Variants in STAB2 observed in about 807,000 individuals in gnomAD.
STAB2 encodes stabilin 2, also known as stabilin-2.
Under a neutral mutation model 338.1 loss-of-function variants are expected in STAB2, and 288 were observed. The observed-to-expected ratio is 0.85, with a 90% CI of 0.77 to 0.94. STAB2 has a LOEUF of 0.94. Among genes scored for constraint, STAB2 ranks in the 40% least tolerant of loss-of-function variants. The pLI is 0.00. For missense variants in STAB2, 3,141 were observed against 3,210.1 expected, an observed-to-expected ratio of 0.98 and a Z score of 0.52; for synonymous variants, 1,202 against 1,193.3, an observed-to-expected ratio of 1.01 and a Z score of -0.15.
intron 35 of STAB2, among the ~76,000 whole-genome samples, chr12:103,704,071 A>G (rs989575630): frequency 3.9e-5 from 6 of 152,212 alleles, no homozygotes; most frequent in Admixed American, 2.0e-4. Flanking sequence ...GTTCAGAACT[A>G]GACACATTGA....
chr12:103,692,830 G>A lies in STAB2; in HGVS notation c.3316G>A (p.Ala1106Thr). The part of the protein sequence containing the change: ...KVDGNITIEG[A>T]SIVDGDNAAT... Reference sequence around the variant, plus strand: ...TTTACAGAATATCACAATTGAAGGGGCCTCCATTGTCGATGGGGACAACGC... The same window carrying A: ...TTTACAGAATATCACAATTGAAGGGACCTCCATTGTCGATGGGGACAACGC... The change falls in exon 31 of 69, where the codon GCC becomes ACC. Residue 1106 changes from alanine (A) to threonine (T), a missense_variant. By Grantham distance (58) the Ala-to-Thr change is moderately conservative. Transcript: ENST00000388887. The A allele has an allele frequency of 5.6e-6, 9 of 1,613,536 alleles. No individual in the cohort carries two copies. The highest frequency in any genetic ancestry group is 1.3e-5 in the African/African-American group (1 of 75,002).
Position 103,761,353 on chromosome 12 carries a change from C to G in STAB2, c.7302C>G (p.Ala2434=), listed in dbSNP as rs1309759777. Residue 2434 remains alanine, a synonymous_variant, in exon 66 of 69, where the codon GCC becomes GCG. Transcript: ENST00000388887. ...GRAILQWDIF[A]SNGIIHVISR... The stretch of plus-strand genomic sequence containing the variant: ...CCATTCTGCAGTGGGACATCTTTGC[C>G]TCCAATGGGATCATTCATGTCATTT... 6.2e-7 allele frequency: 1 copy of G among 1,614,124 alleles called. No individual in the cohort carries two copies. The highest frequency in any genetic ancestry group is 8.5e-7 in the Non-Finnish European group (1 of 1,179,998).
rs771413284 is a variant in STAB2 at position 103,652,575 on chromosome 12, A to C, written c.1277A>C (p.Asp426Ala). ...TCTTAGGTAAATGAGCTTTTGGTGG[A>C]TAATAAAGCTGCTCAATACTTTGTG... ...KGFNVNELLV[D>A]NKAAQYFVKL... Residue 426 changes from aspartate (D) to alanine (A), a missense_variant, in exon 12 of 69, where the codon GAT becomes GCT. Asp to Ala is a moderately radical substitution (Grantham distance 126). Transcript: ENST00000388887. 2.6e-5 allele frequency: 41 copies of C among 1,590,020 alleles called. No homozygotes were observed. The South Asian group carries it at 4.5e-4, about 18-fold the overall frequency.
intron 12 of STAB2, 98 bp downstream of exon 12, chr12:103,652,803 T>C: frequency 1.5e-6 from 2 of 1,356,370 alleles, no homozygotes; most frequent in Non-Finnish European, 2.0e-6. Flanking sequence ...TGTGAAAAAT[T>C]ACAAGGAAAT....
chr12:103,623,422 G>C (rs1957333880), intron 5 of STAB2, among the ~76,000 whole-genome samples: 1 of 152,156 alleles, frequency 6.6e-6, no homozygotes, highest in African/African-American at 2.4e-5. Context: ...GATTATCCTG[G>C]GTTATCTGGG....
chr12:103,718,796 TCCCA>T (rs1880530198), intron 44 of STAB2, among the ~76,000 whole-genome samples: 1 of 152,216 alleles, frequency 6.6e-6, no homozygotes, highest in Non-Finnish European at 1.5e-5. Context: ...TTTAGATTCC[TCCCA>T]GCCCTGATCC....
chr12:103,685,449 T>TGTGTGTGTGC (rs1555238700), intron 27 of STAB2, among the ~76,000 whole-genome samples: 1 of 138,076 alleles, frequency 7.2e-6, no homozygotes, highest in Non-Finnish European at 1.6e-5. Context: ...TGTGTGTGTG[T>TGTGTGTGTGC]GTGTGCGCGT....
At chr12:103,753,901 A>G (rs1167912471) in intron 61 of STAB2, among the ~76,000 whole-genome samples, 2 of 152,178 alleles carry the variant, frequency 1.3e-5, no homozygotes, top group Admixed American at 1.3e-4. Flanking sequence ...AGGGACTGTG[A>G]AAAGAAAAAA....
intron 3 of STAB2, among the ~76,000 whole-genome samples, chr12:103,613,559 G>C (rs774012282): frequency 1.3e-5 from 2 of 152,200 alleles, no homozygotes; most frequent in Non-Finnish European, 2.9e-5. Context: ...GGGTGGGGGT[G>C]ACCCGATTTT....
At chr12:103,604,404 T>G (rs1956997244) in intron 3 of STAB2, among the ~76,000 whole-genome samples, 1 of 152,044 alleles carries the variant, frequency 6.6e-6, no homozygotes, top group African/African-American at 2.4e-5. Context: ...TATTCCCTCT[T>G]CGATTACCTG....
At chr12:103,663,982 G>A (rs916921333) in intron 18 of STAB2, among the ~76,000 whole-genome samples, 3 of 152,146 alleles carry the variant, frequency 2.0e-5, no homozygotes, top group Admixed American at 6.5e-5. Context: ...TTCTTCTCAG[G>A]TAGCTGCTCT....
chr12:103,725,202 A>G, intron 45 of STAB2, 108 bp downstream of exon 45: 1 of 1,486,268 alleles, frequency 6.7e-7, no homozygotes. Context: ...AAGCGCTATA[A>G]AAATATGAAA....
rs1286706218 is a variant in STAB2 at position 103,703,179 on chromosome 12, C to CTA, written c.3746_3747insTA (p.Asn1250ThrfsTer3). 1.9e-6 allele frequency: 3 copies of CTA among 1,613,904 alleles called. No homozygotes were observed. The highest frequency in any genetic ancestry group is 2.5e-6 in the Non-Finnish European group (3 of 1,180,004). On this transcript the variant is annotated frameshift_variant, in exon 35 of 69. Transcript: ENST00000388887. LOFTEE classifies it high-confidence loss of function. ...GTAAATGAGGCTCCAATAAACTACA[C>CTA]CAATGTAGCCACTGATAAGGGAGTG... is the stretch of plus-strand genomic sequence containing the variant.
Position 103,737,739 on chromosome 12 carries a change from C to A in STAB2, c.5656C>A (p.Leu1886Met), listed in dbSNP as rs1476037714. The A allele has an allele frequency of 6.2e-7, 1 of 1,613,838 alleles. No individual in the cohort carries two copies. The highest frequency in any genetic ancestry group is 1.3e-5 in the African/African-American group (1 of 74,872). ...TGACTGTCTGCTGATTGATCCCACCCTGGGGGGCCGCTGTGACACCTTTAC... is the reference window on the plus strand; with the variant it reads ...TGACTGTCTGCTGATTGATCCCACCATGGGGGGCCGCTGTGACACCTTTAC... ...GIDCLLIDPT[L>M]GGRCDTFTTF... The change falls in exon 53 of 69, where the codon CTG becomes ATG. Residue 1886 changes from leucine to methionine, a missense_variant. Leu to Met is a conservative substitution (Grantham distance 15). Transcript: ENST00000388887.
chr12:103,691,419 G>A (rs1877928117), intron 30 of STAB2, among the ~76,000 whole-genome samples: 1 of 152,194 alleles, frequency 6.6e-6, no homozygotes, highest in East Asian at 1.9e-4. Flanking sequence ...GCAGAAAACA[G>A]TGGTCCTATG....
chr12:103,660,607 T>C (rs1349930468), intron 16 of STAB2, 76 bp from the exon 17 acceptor site: 5 of 1,493,678 alleles, frequency 3.3e-6, no homozygotes, highest in Non-Finnish European at 4.6e-6. Context: ...CTATTTTTTC[T>C]AGTGAGGACT....
In STAB2 at chr12:103,712,440, A is replaced by G; in HGVS notation, c.4408A>G (p.Thr1470Ala). ...ATTCCAAGGAAACGGGACCATCTGC[A>G]CAGGCAAGCGAAGGAAGGAATTTGC... ...AGFQGNGTIC[T>A]AINACEISNG... Residue 1470 changes from threonine to alanine, a missense_variant, in exon 41 of 69, where the codon ACA (threonine) becomes GCA (alanine). By Grantham distance (58) the Thr-to-Ala change is moderately conservative. Transcript: ENST00000388887. 1 of 1,613,322 alleles carries G rather than the reference A, an allele frequency of 6.2e-7. No homozygotes were observed. Among genetic ancestry groups the G allele is most frequent in the Non-Finnish European group, 8.5e-7 (1 of 1,179,400 alleles).
rs758038365 is a variant in STAB2, at chr12:103,737,648, G to C, written c.5565G>C (p.Leu1855=). The C allele has an allele frequency of 7.1e-7, 1 of 1,407,594 alleles. No individual in the cohort carries two copies. The highest frequency in any genetic ancestry group is 9.6e-7 in the Non-Finnish European group (1 of 1,042,878). The allele number at this position is 1,407,594 out of a possible 1,614,324, so 87.2% of individuals were successfully genotyped here. Residue 1855 remains leucine (L), a synonymous_variant, in exon 53 of 69, where the codon CTG becomes CTC. Coordinates refer to ENST00000388887, the MANE Select transcript of STAB2 (RefSeq NM_017564.10). ...TTCTTTCTTAGGGTGACCTCTTTCTGAATGGCCAAACCTGCAGAATTGTGC... is the reference window on the plus strand; with the variant it reads ...TTCTTTCTTAGGGTGACCTCTTTCTCAATGGCCAAACCTGCAGAATTGTGC... ...GAGRDIGDLF[L]NGQTCRIVQR... is the part of the protein sequence containing the mutation.
intron 18 of STAB2, 102 bp downstream of exon 18, chr12:103,663,100 C>T: frequency 7.0e-7 from 1 of 1,431,230 alleles, no homozygotes. Context: ...GAAAGTTGGA[C>T]TTCCAGAACC....
Sources: gnomAD v4.1 joint callset for allele counts (sites outside exome capture counted in the v4.1 genomes callset) on GRCh38, gnomAD v4.1.1 for gene constraint, MANE v1.5 for transcripts, NCBI Gene and HGNC (gene_info 2026-07-23, HGNC 2026-07-21) for gene names.